CHM: variants seen among roughly 807,000 people sequenced by gnomAD.
The protein encoded by CHM is CHM Rab escort protein.
CHM carries 10 observed loss-of-function variants against 49.0 expected under a neutral mutation model. The observed-to-expected ratio is 0.20, with a 90% confidence interval of 0.13 to 0.35. CHM has a LOEUF of 0.35. CHM is among the 10% of genes least tolerant of loss of function. The pLI is 1.00. For synonymous variants in CHM, 184 were observed against 167.5 expected, an observed-to-expected ratio of 1.10 and a Z score of -0.76; for missense variants, 455 against 478.4, an observed-to-expected ratio of 0.95 and a Z score of 0.46.
intron 2 of CHM, among the ~76,000 whole-genome samples, chrX:86,020,158 C>T (rs1022808683): frequency 1.8e-5 from 2 of 111,285 alleles, no homozygotes; most frequent in Non-Finnish European, 3.8e-5. Context: ...TAGCATCCCA[C>T]GCTCTTTCAG....
At chrX:85,974,972 T>A (rs1273830834) in intron 4 of CHM, among the ~76,000 whole-genome samples, 2 of 111,017 alleles carry the variant, frequency 1.8e-5, no homozygotes, top group Non-Finnish European at 3.8e-5. Context: ...TAGAATGGAT[T>A]TTTTTTAACT....
rs758460980 is a variant in CHM at position 85,972,711 on chromosome X, C to T, written c.314+6056G>A. Among the ~76,000 whole-genome samples the T allele has an allele frequency of 1.0e-3, 113 of 112,451 alleles. 1 individual carries two copies. The highest frequency in any genetic ancestry group is 2.7e-3 in the African/African-American group (85 of 31,043). On this transcript the variant is annotated intron_variant, in intron 4 of 14. Transcript: ENST00000357749. Reference sequence around the variant, plus strand: ...CTCCAGCTGGCCCGCAAGCGCCACGCGCAGCCCCAGTTCCCGCTCGTGCCT... The same window carrying T: ...CTCCAGCTGGCCCGCAAGCGCCACGTGCAGCCCCAGTTCCCGCTCGTGCCT...
At chrX:85,938,182 C>G (rs1342079509) in intron 8 of CHM, among the ~76,000 whole-genome samples, 1 of 111,705 alleles carries the variant, frequency 9.0e-6, no homozygotes, top group African/African-American at 3.3e-5. Context: ...CACCAGAGAA[C>G]AGGTTTCAAA....
chrX:85,993,785 G>C (rs1932318205), intron 2 of CHM, among the ~76,000 whole-genome samples: 1 of 111,485 alleles, frequency 9.0e-6, no homozygotes, highest in African/African-American at 3.3e-5. Flanking sequence ...TTTTATTAGT[G>C]CTATTGCCTA....
intron 2 of CHM, among the ~76,000 whole-genome samples, chrX:85,999,838 T>G (rs964751355): frequency 2.7e-5 from 3 of 112,023 alleles, no homozygotes; most frequent in African/African-American, 3.2e-5. Flanking sequence ...TTAAAATATG[T>G]CTGCAGAAAT....
At chrX:85,952,581 G>A (rs186006385) in intron 8 of CHM, among the ~76,000 whole-genome samples, 328 of 112,518 alleles carry the variant, frequency 2.9e-3, no homozygotes, top group African/African-American at 0.01. Context: ...GTAGTATGCC[G>A]TGAGCCTTGG....
intron 2 of CHM, among the ~76,000 whole-genome samples, chrX:86,023,410 T>C (rs1933684492): frequency 9.0e-6 from 1 of 111,022 alleles, no homozygotes; most frequent in Admixed American, 9.7e-5. Flanking sequence ...CTCCAACCCC[T>C]ACTAGTACAT....
chrX:85,882,628 T>C (rs995683362), intron 12 of CHM, among the ~76,000 whole-genome samples: 2 of 112,125 alleles, frequency 1.8e-5, no homozygotes, highest in African/African-American at 3.2e-5. Context: ...TAGATTTGTA[T>C]TGGCATTAAA....
At chrX:85,892,137 T>G (rs1036003718) in intron 12 of CHM, among the ~76,000 whole-genome samples, 2 of 111,729 alleles carry the variant, frequency 1.8e-5, no homozygotes, top group Admixed American at 1.9e-4. Context: ...TGCTTTTGAT[T>G]TTACAGGCTC....
intron 2 of CHM, among the ~76,000 whole-genome samples, chrX:85,996,350 G>GA (rs1316099061): frequency 8.9e-6 from 1 of 111,846 alleles, no homozygotes; most frequent in Admixed American, 9.5e-5. Context: ...TTCCAAGGCA[G>GA]AAAAAATAGC....
At chrX:85,887,953 C>T (rs960726467) in intron 12 of CHM, among the ~76,000 whole-genome samples, 2 of 111,714 alleles carry the variant, frequency 1.8e-5, no homozygotes, top group Non-Finnish European at 3.8e-5. Context: ...GGAAACAGTG[C>T]ATAAAAGTTT....
At chrX:86,021,174 G>A (rs1395505912) in intron 2 of CHM, among the ~76,000 whole-genome samples, 2 of 69,344 alleles carry the variant, frequency 2.9e-5, no homozygotes, top group African/African-American at 1.2e-4. Flanking sequence ...ATATATATGT[G>A]TATATATATA....
At chrX:85,977,368 C>T (rs756448474) in intron 4 of CHM, among the ~76,000 whole-genome samples, 11 of 112,445 alleles carry the variant, frequency 9.8e-5, no homozygotes, top group African/African-American at 3.6e-4. Flanking sequence ...AAACCTTCCA[C>T]CAACAACCAT....
At position 85,864,632 on chromosome X, in the gene CHM, A is replaced by G. The variant is rs1168750683; in HGVS notation, c.1960T>C (p.Ter654GlnextTer14). 2.5e-6 allele frequency: 3 copies of G among 1,207,766 alleles called. No homozygotes were observed. The East Asian group carries it at 8.9e-5, about 36-fold the overall frequency. ...GTATCCAGTTTGGTGTATATCCATT[A>G]TTCAGAGGACTCCTCTAGGTTTCCA... ...NLGNLEESSE[*>Q] The change falls in exon 15 of 15, where the codon TAA becomes CAA. Residue 654 changes from the stop codon to glutamine (Q), a stop_lost. Transcript: ENST00000357749.
intron 3 of CHM, among the ~76,000 whole-genome samples, chrX:85,980,988 C>A (rs1337287948): frequency 9.2e-6 from 1 of 108,774 alleles, no homozygotes; most frequent in Non-Finnish European, 1.9e-5. Context: ...GTATATTCCC[C>A]AAATTGTTAG....
intron 4 of CHM, among the ~76,000 whole-genome samples, chrX:85,972,395 G>A (rs1251391834): frequency 2.6e-5 from 3 of 113,412 alleles, no homozygotes; most frequent in Non-Finnish European, 5.6e-5. Flanking sequence ...GGGACTGGGC[G>A]CCGTGGAGCA....
intron 8 of CHM, among the ~76,000 whole-genome samples, chrX:85,920,444 G>C (rs1054698146): frequency 9.0e-5 from 10 of 111,700 alleles, no homozygotes; most frequent in Non-Finnish European, 1.7e-4. Context: ...GTAGTAGGGA[G>C]TTCTTGAGAG....
Position 85,861,193 on chromosome X carries a change from A to G in CHM, c.*3437T>C, listed in dbSNP as rs1337608286. 2 of 112,410 alleles carry G rather than the reference A, an allele frequency of 1.8e-5. No homozygotes were observed. Among genetic ancestry groups the G allele is most frequent in the Non-Finnish European group, 3.8e-5 (2 of 53,261 alleles). The allele number at this position is 112,410 out of a possible 1,213,427, so 9.3% of individuals were successfully genotyped here. A position where few individuals can be genotyped will look rare whatever the true frequency, so the allele number is the denominator to read the frequency against. ...TGACACCATGACTGAAAAGGATTTA[A>G]AAGTCTTTATTTCCTCTGAAAACTT... On this transcript the variant is annotated 3_prime_UTR_variant, in exon 15 of 15. Transcript: ENST00000357749.
chrX:86,013,627 C>T (rs1275383342), intron 2 of CHM, among the ~76,000 whole-genome samples: 1 of 108,032 alleles, frequency 9.3e-6, no homozygotes, highest in South Asian at 4.1e-4. Context: ...CCCAGCTACT[C>T]GGGAGGCTGA....
Sources: allele counts gnomAD v4.1 joint callset (sites outside exome capture counted in the v4.1 genomes callset), GRCh38; gene constraint gnomAD v4.1.1; transcripts MANE v1.5; gene names NCBI Gene and HGNC (gene_info 2026-07-23, HGNC 2026-07-21).